PPP2R5E: variants seen among roughly 807,000 people sequenced by gnomAD.
PPP2R5E encodes the protein protein phosphatase 2 regulatory subunit B'epsilon.
Under a neutral mutation model 65.3 loss-of-function variants are expected in PPP2R5E, and 4 were observed. That is an observed-to-expected ratio of 0.06 (90% CI 0.03 to 0.14). The LOEUF (loss-of-function observed/expected upper bound fraction) is 0.14, where lower values mean the gene tolerates loss of function less well. Ranked by LOEUF, PPP2R5E falls within the 10% of genes least tolerant of loss-of-function variation. PPP2R5E has a pLI of 1.00. For missense variants in PPP2R5E, 274 were observed against 556.1 expected (o/e 0.49, Z 5.10); for synonymous variants, 183 against 187.4 (o/e 0.98, Z 0.19).
chr14:63,415,610 C>T (rs1220654338), intron 4 of PPP2R5E, among the ~76,000 whole-genome samples: 2 of 152,094 alleles, frequency 1.3e-5, no homozygotes, highest in East Asian at 1.9e-4. Flanking sequence ...CTTCATTTAA[C>T]ATACCATATA....
In PPP2R5E at chr14:63,540,745, CAAAGA is replaced by C. The variant is rs140143752; in HGVS notation, c.-7-1058_-7-1054del. On this transcript the variant is annotated intron_variant, in intron 1 of 13. Transcript: ENST00000337537. ...CTCAAAAAAAAAAAAAAGAAACAAACAAAGAAAAGAAAAGTCATATGTTAACAGGA... is the reference window on the plus strand; with the variant it reads ...CTCAAAAAAAAAAAAAAGAAACAAACAAAGAAAAGTCATATGTTAACAGGA... Among the ~76,000 whole-genome samples, 486 of 148,400 alleles carry C rather than the reference CAAAGA, an allele frequency of 3.3e-3. 1 individual carries two copies. Among genetic ancestry groups the C allele is most frequent in the Middle Eastern group, 7.1e-3 (2 of 280 alleles).
chr14:63,526,430 T>C (rs1393033291), intron 2 of PPP2R5E, among the ~76,000 whole-genome samples: 1 of 152,256 alleles, frequency 6.6e-6, no homozygotes, highest in Non-Finnish European at 1.5e-5. Flanking sequence ...GCTGAAGTTA[T>C]ATTCTCTGAT....
intron 3 of PPP2R5E, among the ~76,000 whole-genome samples, chr14:63,435,323 G>A (rs905683318): frequency 5.9e-5 from 9 of 151,958 alleles, no homozygotes; most frequent in Admixed American, 5.2e-4. Context: ...GGTAATGATT[G>A]AATTTAAATA....
rs925898862 is a variant in PPP2R5E, at chr14:63,436,372, A to G, written c.355-14278T>C. ...TGATGTGTGTTTCTGACTACTAGGT[A>G]TGTGTTATTAATTGAAATCACAAAA... On this transcript the variant is annotated intron_variant, in intron 3 of 13. Transcript: ENST00000337537. 3.3e-5 allele frequency among the ~76,000 whole-genome samples: 5 copies of G among 152,226 alleles called. No individual in the cohort carries two copies. In the South Asian group the frequency reaches 6.2e-4, roughly 19 times the overall value.
chr14:63,429,355 T>C (rs1887500722), intron 3 of PPP2R5E, among the ~76,000 whole-genome samples: 1 of 152,218 alleles, frequency 6.6e-6, no homozygotes, highest in Admixed American at 6.5e-5. Flanking sequence ...ATCATGGCTA[T>C]AAAGTGAATT....
chr14:63,444,170 A>G (rs1431267539), intron 3 of PPP2R5E, among the ~76,000 whole-genome samples: 1 of 152,170 alleles, frequency 6.6e-6, no homozygotes, highest in Admixed American at 6.5e-5. Context: ...CAACACACAT[A>G]TACACATAAC....
rs1343907302 is a variant in PPP2R5E at position 63,543,350 on chromosome 14, A to G, written c.-579T>C. 6.6e-6 allele frequency: 1 copy of G among 151,140 alleles called. No homozygotes were observed. The highest frequency in any genetic ancestry group is 1.5e-5 in the Non-Finnish European group (1 of 67,172). The allele number at this position is 151,140 out of a possible 1,614,324, so 9.4% of individuals were successfully genotyped here. On this transcript the variant is annotated 5_prime_UTR_variant, in exon 1 of 14. Transcript: ENST00000337537. Reference sequence around the variant, plus strand: ...ATCACCGGGCGGCTGAGTCCATGGCACACGCGCAACCGAACCTTCTGGCCA... The same window carrying G: ...ATCACCGGGCGGCTGAGTCCATGGCGCACGCGCAACCGAACCTTCTGGCCA...
intron 13 of PPP2R5E, among the ~76,000 whole-genome samples, chr14:63,377,689 T>G (rs1884069523): frequency 6.6e-6 from 1 of 152,228 alleles, no homozygotes; most frequent in African/African-American, 2.4e-5. Context: ...AGGCCTTGTT[T>G]ACCATAATTA....
Position 63,521,786 on chromosome 14 carries a change from CCT to C in PPP2R5E, c.157+17741_157+17742del, listed in dbSNP as rs971595190. On this transcript the variant is annotated intron_variant, in intron 2 of 13. Transcript: ENST00000337537. ...AACTTTCTTCTACTTTAAAAAGTCC[CCT>C]GTTTCAATCTGCTTTCCAGTCCTTT... 2.6e-5 allele frequency among the ~76,000 whole-genome samples: 4 copies of C among 152,292 alleles called. No individual in the cohort carries two copies. The South Asian group carries it at 6.2e-4, about 24-fold the overall frequency.
At chr14:63,462,361 C>T (rs760738200) in intron 2 of PPP2R5E, among the ~76,000 whole-genome samples, 2 of 152,194 alleles carry the variant, frequency 1.3e-5, no homozygotes, top group South Asian at 2.1e-4. Context: ...TGAGCCAGTG[C>T]ACCCAGCCTT....
At chr14:63,524,505 G>C (rs556409767) in intron 2 of PPP2R5E, among the ~76,000 whole-genome samples, 10 of 152,104 alleles carry the variant, frequency 6.6e-5, no homozygotes, top group Non-Finnish European at 1.5e-4. Flanking sequence ...ACTCACCTCA[G>C]TTCATAAAGC....
At chr14:63,485,339 A>C (rs1156567292) in intron 2 of PPP2R5E, among the ~76,000 whole-genome samples, 1 of 152,178 alleles carries the variant, frequency 6.6e-6, no homozygotes, top group Non-Finnish European at 1.5e-5. Context: ...CTTGGCCTTA[A>C]GCAATTTTCC....
chr14:63,524,299 A>G (rs1893091800), intron 2 of PPP2R5E, among the ~76,000 whole-genome samples: 1 of 152,240 alleles, frequency 6.6e-6, no homozygotes, highest in Admixed American at 6.5e-5. Flanking sequence ...TTCTGAAACA[A>G]GATCCAGGTC....
intron 5 of PPP2R5E, among the ~76,000 whole-genome samples, chr14:63,408,255 C>T (rs1309209216): frequency 6.6e-6 from 1 of 151,834 alleles, no homozygotes; most frequent in East Asian, 1.9e-4. Context: ...ATTCAATAAC[C>T]TTTGTATATA....
At chr14:63,407,480 C>A (rs1594839507) in intron 5 of PPP2R5E, among the ~76,000 whole-genome samples, 3 of 152,150 alleles carry the variant, frequency 2.0e-5, no homozygotes, top group African/African-American at 7.2e-5. Context: ...ATGAAAAATG[C>A]AAGGCAATAA....
At chr14:63,433,501 G>C (rs1321959257) in intron 3 of PPP2R5E, among the ~76,000 whole-genome samples, 1 of 152,162 alleles carries the variant, frequency 6.6e-6, no homozygotes, top group East Asian at 1.9e-4. Context: ...GGGCTTGCCT[G>C]ATTCTGCAGA....
At chr14:63,502,213 T>C (rs1444916716) in intron 2 of PPP2R5E, among the ~76,000 whole-genome samples, 1 of 152,080 alleles carries the variant, frequency 6.6e-6, no homozygotes, top group Non-Finnish European at 1.5e-5. Flanking sequence ...TTTTTTTAAA[T>C]GGAACCATCT....
chr14:63,422,186 A>C, intron 3 of PPP2R5E, 92 bp from the exon 4 acceptor site: 2 of 986,110 alleles, frequency 2.0e-6, no homozygotes, highest in African/African-American at 3.2e-5. Flanking sequence ...GAACCCAGAT[A>C]ACAATGCACA....
At chr14:63,458,874 T>G (rs1245441745) in intron 2 of PPP2R5E, among the ~76,000 whole-genome samples, 1 of 152,198 alleles carries the variant, frequency 6.6e-6, no homozygotes, top group East Asian at 1.9e-4. Context: ...ACTTTTTACC[T>G]GAAAATGTCC....
Sources: gnomAD v4.1 joint callset for allele counts (sites outside exome capture counted in the v4.1 genomes callset) on GRCh38, gnomAD v4.1.1 for gene constraint, MANE v1.5 for transcripts, NCBI Gene and HGNC (gene_info 2026-07-23, HGNC 2026-07-21) for gene names.